The following PHACTR1 variants were observed in gnomAD, a reference collection of about 807,000 sequenced individuals.
PHACTR1 encodes the protein phosphatase and actin regulator 1.
Under a neutral mutation model 69.2 loss-of-function variants are expected in PHACTR1, and 16 were observed. That is an observed-to-expected ratio of 0.23 (90% confidence interval 0.16 to 0.35). The LOEUF (loss-of-function observed/expected upper bound fraction) is 0.35. Ranked by LOEUF, PHACTR1 falls within the 10% of genes least tolerant of loss-of-function variation. The pLI, the probability that PHACTR1 is intolerant of heterozygous loss-of-function variation, is 1.00. For missense variants in PHACTR1, 510 were observed against 734.7 expected (o/e 0.69, Z 3.54); for synonymous variants, 312 against 284.5 (o/e 1.10, Z -0.97).
chr6:13,271,310 C>G (rs1026611311), intron 10 of PHACTR1, among the ~76,000 whole-genome samples: 1 of 152,188 alleles, frequency 6.6e-6, no homozygotes, highest in South Asian at 2.1e-4. Context: ...AGGCCTCCCC[C>G]CGAGCAATGG....
chr6:13,125,496 A>G (rs896336713), intron 5 of PHACTR1, among the ~76,000 whole-genome samples: 1 of 152,186 alleles, frequency 6.6e-6, no homozygotes, highest in Non-Finnish European at 1.5e-5. Flanking sequence ...AAAGTAATTT[A>G]TAATTTCTAC....
In PHACTR1 at chr6:13,205,934, A is replaced by G. The variant is rs754470150; in HGVS notation, c.784A>G (p.Thr262Ala). 2 of 1,613,988 alleles carry G rather than the reference A, an allele frequency of 1.2e-6. No individual in the cohort carries two copies. Among genetic ancestry groups the G allele is most frequent in the Admixed American group, 3.3e-5 (2 of 60,028 alleles). Residue 262 changes from threonine to alanine, a missense_variant, in exon 8 of 15, where the codon ACA becomes GCA. Physicochemically the swap from Thr to Ala is moderately conservative, Grantham distance 58. This residue lies in a region of PHACTR1 where 419 missense variants were observed against 530.9 expected (regional missense o/e 0.79). Transcript: ENST00000332995. ...GGPDLSLVSY[T>A]AQKSGQQGVA... Reference sequence around the variant, plus strand: ...GCCAGACCTCTCACTGGTGTCCTACACAGCCCAGAAGAGTGGCCAGCAGGG... The same window carrying G: ...GCCAGACCTCTCACTGGTGTCCTACGCAGCCCAGAAGAGTGGCCAGCAGGG...
intron 4 of PHACTR1, among the ~76,000 whole-genome samples, chr6:12,858,358 T>G (rs972922078): frequency 2.6e-5 from 4 of 152,228 alleles, no homozygotes; most frequent in Non-Finnish European, 5.9e-5. Context: ...TTTGTTAATT[T>G]AGAGGTAAAT....
Position 13,283,612 on chromosome 6 carries a change from T to A in PHACTR1, c.1650+50T>A. The A allele has an allele frequency of 6.2e-7, 1 of 1,612,836 alleles. No individual in the cohort carries two copies. The highest frequency in any genetic ancestry group is 1.1e-5 in the South Asian group (1 of 91,054). On this transcript the variant is annotated intron_variant, in intron 13 of 14. Coordinates refer to ENST00000332995, the MANE Select transcript of PHACTR1 (RefSeq NM_030948.6). The surrounding 1 kb of genome is among the most constrained non-coding windows in gnomAD (Gnocchi z 4.7). ...GTGGGAGGCAGGACCGTCTGCTGGG[T>A]CTCGCTGGGCTCACCGCTGGGGAGC...
intron 4 of PHACTR1, among the ~76,000 whole-genome samples, chr6:12,941,260 C>G (rs539615511): frequency 6.6e-6 from 1 of 152,250 alleles, no homozygotes; most frequent in African/African-American, 2.4e-5. Context: ...TCCTCAGAGT[C>G]GTAGCAAATT....
intron 4 of PHACTR1, among the ~76,000 whole-genome samples, chr6:12,933,091 A>G (rs370338194): frequency 3.2e-4 from 49 of 152,040 alleles, no homozygotes; most frequent in African/African-American, 1.1e-3. Context: ...ACGCGCCACC[A>G]AGCCCGGCTG....
intron 5 of PHACTR1, among the ~76,000 whole-genome samples, chr6:13,113,068 G>A (rs115728012): frequency 0.016 from 2,427 of 152,162 alleles, 71 homozygotes; most frequent in African/African-American, 0.055. Context: ...TAAGGAAGGT[G>A]TCCAATTTCA....
rs375430193 is a variant in PHACTR1 at position 13,120,593 on chromosome 6, G to A, written c.416-39611G>A. ...GTGGCTGGTTTTCTCTTTTCTTTTC[G>A]CTAGCCCTTGAGTGTGGGACCTCCT... On this transcript the variant is annotated intron_variant, in intron 5 of 14. Coordinates refer to ENST00000332995, the MANE Select transcript of PHACTR1 (RefSeq NM_030948.6). Among the ~76,000 whole-genome samples the A allele has an allele frequency of 2.9e-3, 435 of 152,198 alleles. 4 individuals are homozygous for A. Among genetic ancestry groups the A allele is most frequent in the African/African-American group, 9.8e-3 (409 of 41,530 alleles).
chr6:12,907,659 G>A (rs971776227), intron 4 of PHACTR1, among the ~76,000 whole-genome samples: 15 of 152,228 alleles, frequency 9.9e-5, no homozygotes, highest in African/African-American at 3.6e-4. Context: ...GAAGAAGAAG[G>A]AGTGGGTACT....
chr6:13,112,539 C>T (rs934546489), intron 5 of PHACTR1, among the ~76,000 whole-genome samples: 2 of 152,142 alleles, frequency 1.3e-5, no homozygotes, highest in Non-Finnish European at 2.9e-5. Flanking sequence ...ACCTCACCAG[C>T]ATCTGATATT....
rs528819740 is a variant in PHACTR1, at chr6:13,250,765, C to A, written c.1391+20572C>A. Among the ~76,000 whole-genome samples the A allele has an allele frequency of 4.6e-5, 7 of 152,312 alleles. No individual in the cohort carries two copies. The South Asian group carries it at 1.4e-3, about 32-fold the overall frequency. ...AAGGAGGGTCGCCAACGAGTAAGAG[C>A]CAGATACTAAAACATGACTCCTTGG... On this transcript the variant is annotated intron_variant, in intron 10 of 14. Coordinates refer to ENST00000332995, the MANE Select transcript of PHACTR1 (RefSeq NM_030948.6).
At chr6:12,875,844 T>A (rs1782477583) in intron 4 of PHACTR1, among the ~76,000 whole-genome samples, 1 of 152,228 alleles carries the variant, frequency 6.6e-6, no homozygotes, top group Middle Eastern at 3.4e-3. Context: ...ATGCCTTCTG[T>A]GTTGCTTATG....
At chr6:13,147,006 C>T (rs1823463676) in intron 5 of PHACTR1, among the ~76,000 whole-genome samples, 2 of 152,210 alleles carry the variant, frequency 1.3e-5, no homozygotes, top group South Asian at 2.1e-4. Context: ...ACTTTCATCA[C>T]ATGACATTCT....
Position 12,749,350 on chromosome 6 carries a change from G to T in PHACTR1, c.104-294G>T, listed in dbSNP as rs937417232. 5 of 488,002 alleles carry T rather than the reference G, an allele frequency of 1.0e-5. No individual in the cohort carries two copies. The Admixed American group carries it at 1.3e-4, about 12-fold the overall frequency. The allele number at this position is 488,002 out of a possible 1,614,324, so 30.2% of individuals were successfully genotyped here. ...ACTGGCCCCTCGGCCCTGTGGCTGG[G>T]AGAGGAGTCTGGGGGAGCCCCGGGC... On this transcript the variant is annotated intron_variant, in intron 3 of 14. Transcript: ENST00000332995.
chr6:13,011,688 G>A (rs1799467574), intron 4 of PHACTR1, among the ~76,000 whole-genome samples: 2 of 152,192 alleles, frequency 1.3e-5, no homozygotes, highest in African/African-American at 4.8e-5. Context: ...TCTAACCTGT[G>A]GGGCAGAGAG....
intron 3 of PHACTR1, among the ~76,000 whole-genome samples, chr6:12,727,037 T>C (rs1762881102): frequency 6.6e-6 from 1 of 152,210 alleles, no homozygotes; most frequent in South Asian, 2.1e-4. Context: ...TTGTTTTTGC[T>C]TTTATTTGTT....
intron 5 of PHACTR1, among the ~76,000 whole-genome samples, chr6:13,120,561 A>G (rs966334517): frequency 8.5e-5 from 13 of 152,178 alleles, no homozygotes; most frequent in African/African-American, 4.8e-5. Flanking sequence ...AGGAGGCCGA[A>G]GGTGGGGTGG....
chr6:13,240,167 G>A (rs1772624801), intron 10 of PHACTR1, among the ~76,000 whole-genome samples: 1 of 152,144 alleles, frequency 6.6e-6, no homozygotes, highest in South Asian at 2.1e-4. Flanking sequence ...GGTGCAGGGG[G>A]TGGGGAGAGC....
At position 12,933,785 on chromosome 6, in the gene PHACTR1, G is replaced by C. The variant is rs767367499; in HGVS notation, c.251-119580G>C. The C allele has an allele frequency of 3.1e-6, 5 of 1,612,812 alleles. No homozygotes were observed. In the Admixed American group the frequency reaches 8.3e-5, roughly 27 times the overall value. On this transcript the variant is annotated intron_variant, in intron 4 of 14. Coordinates refer to ENST00000332995, the MANE Select transcript of PHACTR1 (RefSeq NM_030948.6). The stretch of plus-strand genomic sequence containing the variant: ...CACTACATCAGCCCACATCTGCTCA[G>C]GCCCCAGTACAGGTGGACAATTCTC...
Sources: gnomAD v4.1 joint callset for allele counts (sites outside exome capture counted in the v4.1 genomes callset) on GRCh38, gnomAD v4.1.1 for gene constraint, gnomAD v4.1.1 regional missense constraint, Gnocchi (gnomAD v3.1) non-coding constraint, MANE v1.5 for transcripts, NCBI Gene and HGNC (gene_info 2026-07-23, HGNC 2026-07-21) for gene names.